The following LSAMP variants were observed in gnomAD, a reference collection of about 807,000 sequenced individuals.
LSAMP encodes limbic system-associated membrane protein.
Under a neutral mutation model 38.6 loss-of-function variants are expected in LSAMP, and 7 were observed. The observed-to-expected ratio is 0.18, with a 90% CI of 0.10 to 0.34. LSAMP has a LOEUF of 0.34. LSAMP is among the 10% of genes least tolerant of loss of function. The probability of loss-of-function intolerance (pLI) is 1.00; values close to 1 mark genes in which losing one functional copy is unlikely to be tolerated. For missense variants in LSAMP, 313 were observed against 420.0 expected, an observed-to-expected ratio of 0.75 and a Z score of 2.23; for synonymous variants, 154 against 166.8, an observed-to-expected ratio of 0.92 and a Z score of 0.59.
At chr3:115,967,085 T>G (rs980704424) in intron 3 of LSAMP, among the ~76,000 whole-genome samples, 2 of 152,218 alleles carry the variant, frequency 1.3e-5, no homozygotes, top group Non-Finnish European at 2.9e-5. Flanking sequence ...GTTTTTCTTT[T>G]CTATCGCATT....
At chr3:116,312,144 C>A (rs1401725448) in intron 1 of LSAMP, among the ~76,000 whole-genome samples, 1 of 152,162 alleles carries the variant, frequency 6.6e-6, no homozygotes, top group African/African-American at 2.4e-5. Context: ...AAATCTTTTG[C>A]TTCACCCTAA....
chr3:116,220,495 A>G (rs1425512265), intron 1 of LSAMP, among the ~76,000 whole-genome samples: 1 of 152,136 alleles, frequency 6.6e-6, no homozygotes, highest in Non-Finnish European at 1.5e-5. Flanking sequence ...AATGTTTAAT[A>G]GAGGATAATT....
chr3:115,977,972 C>G (rs995565708), intron 3 of LSAMP, among the ~76,000 whole-genome samples: 1 of 152,040 alleles, frequency 6.6e-6, no homozygotes, highest in Admixed American at 6.6e-5. Flanking sequence ...TTTCTTCCTT[C>G]CTTCCTGTCT....
chr3:116,033,768 T>C (rs1356597784), intron 2 of LSAMP, among the ~76,000 whole-genome samples: 1 of 152,046 alleles, frequency 6.6e-6, no homozygotes, highest in Non-Finnish European at 1.5e-5. Flanking sequence ...CCACTGGAAC[T>C]CTGGGTTCAT....
At position 115,810,314 on chromosome 3, in the gene LSAMP, C is replaced by A. The variant is rs1344362603; in HGVS notation, c.*3G>T. ...TTTAAATTATTTTTAAATTTTTATT[C>A]TATTAACATTTGCTGAGAAGGCAGA... On this transcript the variant is annotated 3_prime_UTR_variant, in exon 7 of 7. Coordinates refer to ENST00000490035, the MANE Select transcript of LSAMP (RefSeq NM_002338.5). The A allele has an allele frequency of 3.1e-6, 5 of 1,593,518 alleles. No individual in the cohort carries two copies. In the South Asian group the frequency reaches 4.5e-5, roughly 14 times the overall value.
Position 116,431,776 on chromosome 3 carries a change from C to T in LSAMP, c.155+13101G>A, listed in dbSNP as rs75132834. On this transcript the variant is annotated intron_variant, in intron 1 of 6. Transcript: ENST00000490035. ...TCTTCCAGTGGACACCAGTCATCTT[C>T]ATTAAGCATGCTCATTAACAAATCA... Among the ~76,000 whole-genome samples, 1,187 of 152,152 alleles carry T rather than the reference C, an allele frequency of 7.8e-3. 12 individuals are homozygous for T. Among genetic ancestry groups the T allele is most frequent in the African/African-American group, 0.027 (1,114 of 41,546 alleles).
intron 3 of LSAMP, among the ~76,000 whole-genome samples, chr3:115,903,037 A>G (rs1219378724): frequency 6.6e-6 from 1 of 152,190 alleles, no homozygotes; most frequent in African/African-American, 2.4e-5. Context: ...ACATGCACGC[A>G]TATATTCACT....
rs575379121 is a variant in LSAMP at position 116,393,721 on chromosome 3, A to G, written c.155+51156T>C. ...AGGATCTACTTTTTAGGGATGTCCAATCTATGATATCCTTTTAACTTATAG... is the reference window on the plus strand; with the variant it reads ...AGGATCTACTTTTTAGGGATGTCCAGTCTATGATATCCTTTTAACTTATAG... On this transcript the variant is annotated intron_variant, in intron 1 of 6. Coordinates refer to ENST00000490035, the MANE Select transcript of LSAMP (RefSeq NM_002338.5). 3.9e-5 allele frequency among the ~76,000 whole-genome samples: 6 copies of G among 152,322 alleles called. 1 individual carries two copies. The South Asian group carries it at 1.2e-3, about 32-fold the overall frequency.
chr3:115,965,873 A>G (rs1938793129), intron 3 of LSAMP, among the ~76,000 whole-genome samples: 1 of 152,202 alleles, frequency 6.6e-6, no homozygotes, highest in Non-Finnish European at 1.5e-5. Flanking sequence ...TGTGGAAAGT[A>G]TGTAGAGAAA....
chr3:116,228,076 T>G (rs2046362174), intron 1 of LSAMP, among the ~76,000 whole-genome samples: 1 of 152,076 alleles, frequency 6.6e-6, no homozygotes, highest in Non-Finnish European at 1.5e-5. Context: ...TGCCTTCTAA[T>G]GGGAGAGAGG....
intron 1 of LSAMP, among the ~76,000 whole-genome samples, chr3:116,402,657 C>CAT (rs1001507687): frequency 2.0e-5 from 3 of 151,950 alleles, no homozygotes; most frequent in East Asian, 1.9e-4. Context: ...CATCATCAAG[C>CAT]ATATATATAT....
At chr3:116,076,346 C>T (rs942109368) in intron 2 of LSAMP, among the ~76,000 whole-genome samples, 1 of 152,164 alleles carries the variant, frequency 6.6e-6, no homozygotes, top group African/African-American at 2.4e-5. Flanking sequence ...CAACCTCCAC[C>T]TCCCGGGTTC....
At chr3:116,189,278 A>G (rs1455163713) in intron 1 of LSAMP, among the ~76,000 whole-genome samples, 2 of 152,166 alleles carry the variant, frequency 1.3e-5, no homozygotes, top group Non-Finnish European at 2.9e-5. Flanking sequence ...AGGAAGTGCA[A>G]TAGAAATATT....
intron 1 of LSAMP, among the ~76,000 whole-genome samples, chr3:116,168,911 T>G (rs1197707795): frequency 6.6e-6 from 1 of 152,072 alleles, no homozygotes; most frequent in African/African-American, 2.4e-5. Flanking sequence ...TTGAGAGAGA[T>G]AGAGATATAA....
intron 1 of LSAMP, among the ~76,000 whole-genome samples, chr3:116,305,651 T>C (rs1041693852): frequency 5.9e-5 from 9 of 152,058 alleles, no homozygotes; most frequent in African/African-American, 1.9e-4. Flanking sequence ...CAAAAAAATT[T>C]CTTAATTCTA....
chr3:116,269,132 T>TTTAA (rs1456793234), intron 1 of LSAMP, among the ~76,000 whole-genome samples: 9 of 152,042 alleles, frequency 5.9e-5, no homozygotes, highest in African/African-American at 1.2e-4. Flanking sequence ...CACAAAACGC[T>TTTAA]TTAATTACTC....
At chr3:116,407,274 G>C (rs974327701) in intron 1 of LSAMP, among the ~76,000 whole-genome samples, 5 of 152,040 alleles carry the variant, frequency 3.3e-5, no homozygotes, top group African/African-American at 1.2e-4. Context: ...ATGTGAAGCA[G>C]ATACAGAGAG....
At chr3:116,275,366 T>TTTTG (rs1458856640) in intron 1 of LSAMP, among the ~76,000 whole-genome samples, 1 of 152,154 alleles carries the variant, frequency 6.6e-6, no homozygotes, top group Non-Finnish European at 1.5e-5. Flanking sequence ...CCGCCCACAT[T>TTTTG]TTTGTTTTCT....
intron 3 of LSAMP, among the ~76,000 whole-genome samples, chr3:115,980,439 G>T (rs981658910): frequency 6.6e-6 from 1 of 151,038 alleles, no homozygotes; most frequent in African/African-American, 2.5e-5. Context: ...TGATCTCTCA[G>T]TTTGGAGTTT....
Sources: gnomAD v4.1 joint callset for allele counts (sites outside exome capture counted in the v4.1 genomes callset) on GRCh38, gnomAD v4.1.1 for gene constraint, MANE v1.5 for transcripts, NCBI Gene and HGNC (gene_info 2026-07-23, HGNC 2026-07-21) for gene names.